The following GRK1 variants were observed in gnomAD, a reference collection of about 807,000 sequenced individuals.
GRK1 encodes rhodopsin kinase GRK1.
In GRK1, 28 loss-of-function variants were observed where a neutral mutation model predicts 41.7. The observed-to-expected ratio is 0.67, with a 90% CI of 0.50 to 0.92. The LOEUF is 0.92. GRK1 is among the 40% of genes least tolerant of loss of function. The pLI is 0.00. For missense variants in GRK1, 703 were observed against 671.2 expected, an observed-to-expected ratio of 1.05 and a Z score of -0.52; for synonymous variants, 327 against 286.7, an observed-to-expected ratio of 1.14 and a Z score of -1.42.
At chr13:113,661,974 A>G in the GRK1 span, among the ~76,000 whole-genome samples, 1 of 152,238 alleles carries the variant, frequency 6.6e-6, no homozygotes, top group Non-Finnish European at 1.5e-5. Context: ...CTCATCTTAT[A>G]AGACCAGTGT....
At chr13:113,664,767 A>C (rs2049807278), upstream of GRK1, among the ~76,000 whole-genome samples, 1 of 152,124 alleles carries the variant, frequency 6.6e-6, no homozygotes, top group South Asian at 2.1e-4. This position sits in a 1 kb window ranked among gnomAD's most constrained non-coding sequence, Gnocchi z 5.4. Flanking sequence ...CGGGCGATTC[A>C]TGTGTGTAGC....
rs2049940634 is a variant in GRK1, at chr13:113,731,997, A to C, written c.1194+654A>C. On this transcript the variant is annotated intron_variant, in intron 5 of 6. Coordinates refer to ENST00000335678, the MANE Select transcript of GRK1 (RefSeq NM_002929.3). This position sits in a 1 kb window ranked among gnomAD's most constrained non-coding sequence, Gnocchi z 5.6. ...CTGAGTGCCCCCTGGGCTGCCCCGG[A>C]TCCTAGGCCACCAGAACTGCAAATA... is the stretch of plus-strand genomic sequence containing the variant. Among the ~76,000 whole-genome samples, 1 of 152,102 alleles carries C rather than the reference A, an allele frequency of 6.6e-6. No homozygotes were observed. Among genetic ancestry groups the C allele is most frequent in the African/African-American group, 2.4e-5 (1 of 41,420 alleles).
chr13:113,731,888 C>G lies in GRK1; in HGVS notation c.1194+545C>G, dbSNP rs1438209706. Among the ~76,000 whole-genome samples, 1 of 152,166 alleles carries G rather than the reference C, an allele frequency of 6.6e-6. No homozygotes were observed. Among genetic ancestry groups the G allele is most frequent in the African/African-American group, 2.4e-5 (1 of 41,434 alleles). On this transcript the variant is annotated intron_variant, in intron 5 of 6. Transcript: ENST00000335678. The surrounding 1 kb of genome is among the most constrained non-coding windows in gnomAD (Gnocchi z 5.6). ...GCAAGCTCCCCTTCTTCCCAGACAC[C>G]AAGAACCCACAGCCCATGGTGGGCC...
intron 6 of GRK1, among the ~76,000 whole-genome samples, chr13:113,733,965 TGTGCGTGTGTGCGC>T (rs1463355746): frequency 2.9e-5 from 4 of 137,638 alleles, no homozygotes; most frequent in African/African-American, 5.5e-5. Context: ...CATACGTGTG[TGTGCGTGTGTGCGC>T]ATGTGTGTGC....
chr13:113,649,295 G>T, the GRK1 span: 1 of 1,493,860 alleles, frequency 6.7e-7, no homozygotes, highest in South Asian at 1.3e-5. This position sits in a 1 kb window ranked among gnomAD's most constrained non-coding sequence, Gnocchi z 4.7. Context: ...GCAGGGAACT[G>T]ACGGGCAAGG....
rs1360628012 is a variant in GRK1 at position 113,731,901 on chromosome 13, C to G, written c.1194+558C>G. ...CTTCCCAGACACCAAGAACCCACAG[C>G]CCATGGTGGGCCCAGCAGCTGCTCT... On this transcript the variant is annotated intron_variant, in intron 5 of 6. Transcript: ENST00000335678. This position sits in a 1 kb window ranked among gnomAD's most constrained non-coding sequence, Gnocchi z 5.6. Among the ~76,000 whole-genome samples the G allele has an allele frequency of 1.3e-5, 2 of 152,174 alleles. No individual in the cohort carries two copies. The highest frequency in any genetic ancestry group is 2.9e-5 in the Non-Finnish European group (2 of 68,034).
Position 113,731,783 on chromosome 13 carries a change from G to A in GRK1, c.1194+440G>A, listed in dbSNP as rs972709910. Among the ~76,000 whole-genome samples, 11 of 152,194 alleles carry A rather than the reference G, an allele frequency of 7.2e-5. No homozygotes were observed. Among genetic ancestry groups the A allele is most frequent in the African/African-American group, 2.2e-4 (9 of 41,444 alleles). On this transcript the variant is annotated intron_variant, in intron 5 of 6. Transcript: ENST00000335678. This position sits in a 1 kb window ranked among gnomAD's most constrained non-coding sequence, Gnocchi z 5.6. Reference sequence around the variant, plus strand: ...GGAGCTTCATCCCCTGGGGACTGGCGAGGCTGAGGCTGGGGCTCTGGGGGA... The same window carrying A: ...GGAGCTTCATCCCCTGGGGACTGGCAAGGCTGAGGCTGGGGCTCTGGGGGA...
intron 4 of GRK1, among the ~76,000 whole-genome samples, chr13:113,730,702 C>A (rs1311159707): frequency 6.6e-6 from 1 of 152,236 alleles, no homozygotes; most frequent in African/African-American, 2.4e-5. Context: ...CCATAGCACT[C>A]CTGGGTCACC....
At chr13:113,651,401 C>T in the GRK1 span, among the ~76,000 whole-genome samples, 2 of 152,226 alleles carry the variant, frequency 1.3e-5, no homozygotes, top group African/African-American at 2.4e-5. Context: ...TCCACATCGC[C>T]ACCAGGCGTT....
chr13:113,651,160 CATG>C, the GRK1 span, among the ~76,000 whole-genome samples: 1 of 151,914 alleles, frequency 6.6e-6, no homozygotes, highest in Non-Finnish European at 1.5e-5. Flanking sequence ...CTTTGGGTGT[CATG>C]GTGGAAGCAA....
intron 6 of GRK1, among the ~76,000 whole-genome samples, chr13:113,733,952 G>A (rs2049977466): frequency 6.7e-6 from 1 of 148,484 alleles, no homozygotes; most frequent in African/African-American, 2.5e-5. Flanking sequence ...GTGCGTGTGT[G>A]TGCATACGTG....
chr13:113,671,371 G>C lies in GRK1; in HGVS notation c.828-128G>C, dbSNP rs184061766. The C allele has an allele frequency of 6.3e-4, 442 of 701,472 alleles. 1 individual carries two copies. Among genetic ancestry groups the C allele is most frequent in the East Asian group, 6.0e-3 (236 of 39,224 alleles). The allele number at this position is 701,472 out of a possible 1,614,324, so 43.5% of individuals were successfully genotyped here. A position where few individuals can be genotyped will look rare whatever the true frequency, so the allele number is the denominator to read the frequency against. On this transcript the variant is annotated intron_variant, in intron 2 of 6. Coordinates refer to ENST00000335678, the MANE Select transcript of GRK1 (RefSeq NM_002929.3). This position sits in a 1 kb window ranked among gnomAD's most constrained non-coding sequence, Gnocchi z 4.1. ...TCGGGTGTCCTCTGCAGGGACGTAG[G>C]GGGGCCAGGCCTCAAAACGACCAGA...
chr13:113,651,533 G>A, the GRK1 span: 20 of 926,168 alleles, frequency 2.2e-5, no homozygotes, highest in Middle Eastern at 4.8e-4. Context: ...GTGATGGTTC[G>A]GTGTTTACGT....
At chr13:113,728,119 G>A (rs2049905050) in intron 4 of GRK1, among the ~76,000 whole-genome samples, 1 of 90,470 alleles carries the variant, frequency 1.1e-5, no homozygotes, top group Non-Finnish European at 2.1e-5. Flanking sequence ...GAGTACCCAT[G>A]GCGATGAGGA....
chr13:113,732,486 G>A (rs930156285), intron 5 of GRK1, among the ~76,000 whole-genome samples: 16 of 152,190 alleles, frequency 1.1e-4, no homozygotes, highest in African/African-American at 3.9e-4. Context: ...CCTCTGATGG[G>A]GAAGTGAGAC....
In GRK1 at chr13:113,735,376, A is replaced by C; in HGVS notation, c.*13A>C. On this transcript the variant is annotated 3_prime_UTR_variant, in exon 7 of 7. Coordinates refer to ENST00000335678, the MANE Select transcript of GRK1 (RefSeq NM_002929.3). ...TCTGGTTTCCTAGGTGACGCCCCAG[A>C]GTCCACGTGGAGGAAAAGGACCCAT... 8 of 1,477,518 alleles carry C rather than the reference A, an allele frequency of 5.4e-6. No individual in the cohort carries two copies. The highest frequency in any genetic ancestry group is 7.2e-6 in the Non-Finnish European group (8 of 1,115,364). 91.5% of individuals were successfully genotyped at this position (1,477,518 alleles called of 1,614,324 possible).
intron 4 of GRK1, among the ~76,000 whole-genome samples, chr13:113,730,759 G>A (rs141032856): frequency 0.043 from 6,574 of 152,316 alleles, 479 homozygotes; most frequent in African/African-American, 0.15. Flanking sequence ...GAGAGTGACC[G>A]TTGGTTGAGG....
chr13:113,732,671 G>A (rs143760481), intron 5 of GRK1, among the ~76,000 whole-genome samples: 6,436 of 152,260 alleles, frequency 0.042, 472 homozygotes, highest in African/African-American at 0.15. Flanking sequence ...CAAAATGCAC[G>A]GCACCCACCT....
upstream of GRK1, among the ~76,000 whole-genome samples, chr13:113,663,717 C>A (rs1218142906): frequency 6.6e-6 from 1 of 152,156 alleles, no homozygotes; most frequent in African/African-American, 2.4e-5. Flanking sequence ...GTTCTTCCAC[C>A]ATTAGGGAAA....
Sources: gnomAD v4.1 joint callset for allele counts (sites outside exome capture counted in the v4.1 genomes callset) on GRCh38, gnomAD v4.1.1 for gene constraint, Gnocchi (gnomAD v3.1) non-coding constraint, MANE v1.5 for transcripts, NCBI Gene and HGNC (gene_info 2026-07-23, HGNC 2026-07-21) for gene names.